TUSC3: variants seen among roughly 807,000 people sequenced by gnomAD.
The protein encoded by TUSC3 is tumor suppressor candidate 3, also known as dolichyl-diphosphooligosaccharide--protein glycosyltransferase subunit TUSC3.
In TUSC3, 45 loss-of-function variants were observed where a neutral mutation model predicts 44.8. The ratio of observed to expected loss-of-function variants is 1.00; its 90% confidence interval spans 0.79 to 1.29. The LOEUF is 1.29. TUSC3 is among the 50% of genes most tolerant of loss of function. The probability of loss-of-function intolerance (pLI) is 0.00; values close to 1 mark genes in which losing one functional copy is unlikely to be tolerated. For synonymous variants in TUSC3, 212 were observed against 152.9 expected (o/e 1.39, Z -2.85); for missense variants, 519 against 437.9 (o/e 1.19, Z -1.65).
At chr8:15,846,019 A>G in the TUSC3 span, among the ~76,000 whole-genome samples, 1 of 152,142 alleles carries the variant, frequency 6.6e-6, no homozygotes, top group African/African-American at 2.4e-5. Context: ...AAAAGCGGAA[A>G]TCTCAGATAA....
chr8:15,800,348 AG>A, the TUSC3 span, among the ~76,000 whole-genome samples: 1 of 152,122 alleles, frequency 6.6e-6, no homozygotes, highest in Non-Finnish European at 1.5e-5. Context: ...TAAGGTGGGC[AG>A]ATTGCTTGAG....
chr8:15,596,186 A>G (rs1037612119), intron 1 of TUSC3, among the ~76,000 whole-genome samples: 3 of 152,228 alleles, frequency 2.0e-5, no homozygotes, highest in African/African-American at 4.8e-5. Flanking sequence ...ATATCCATCT[A>G]TAATAATGAT....
intron 6 of TUSC3, among the ~76,000 whole-genome samples, chr8:15,709,090 C>T (rs1369443849): frequency 1.3e-5 from 2 of 151,740 alleles, no homozygotes; most frequent in Non-Finnish European, 2.9e-5. Context: ...TGTTTTTGTA[C>T]AGGAAAGATA....
intron 1 of TUSC3, among the ~76,000 whole-genome samples, chr8:15,452,027 A>G (rs1237918740): frequency 6.6e-6 from 1 of 152,208 alleles, no homozygotes; most frequent in Non-Finnish European, 1.5e-5. Flanking sequence ...TAATTAAAGT[A>G]AAACATGAAA....
intron 2 of TUSC3, among the ~76,000 whole-genome samples, chr8:15,511,249 GAGGAAGGGAAGAAAGGAAGGAGGA>G (rs1392194018): frequency 6.6e-6 from 1 of 152,022 alleles, no homozygotes; most frequent in African/African-American, 2.4e-5. Flanking sequence ...TAGAAGGAGG[GAGGAAGGGAAGAAAGGAAGGAGGA>G]AGGAAGGGAG....
chr8:15,598,330 C>T, intron 1 of TUSC3, among the ~76,000 whole-genome samples: 1 of 152,030 alleles, frequency 6.6e-6, no homozygotes, highest in South Asian at 2.1e-4. Context: ...GATTTAGATT[C>T]ACAGCAAAGT....
At chr8:15,534,529 G>C (rs958791677) in intron 2 of TUSC3, among the ~76,000 whole-genome samples, 1 of 151,776 alleles carries the variant, frequency 6.6e-6, no homozygotes, top group Non-Finnish European at 1.5e-5. Context: ...TGTAGTCCCA[G>C]CTACTCGGGA....
At chr8:15,579,026 CT>C (rs1470658874) in intron 1 of TUSC3, among the ~76,000 whole-genome samples, 1 of 151,788 alleles carries the variant, frequency 6.6e-6, no homozygotes, top group Admixed American at 6.6e-5. Context: ...GATTCAACTT[CT>C]TCCTGGTTTA....
chr8:15,679,150 G>C (rs1199618039), intron 6 of TUSC3, among the ~76,000 whole-genome samples: 1 of 152,132 alleles, frequency 6.6e-6, no homozygotes, highest in African/African-American at 2.4e-5. Context: ...TAGAATGGCA[G>C]TTCTAATTTT....
At chr8:15,505,156 C>T (rs1563268809) in intron 2 of TUSC3, among the ~76,000 whole-genome samples, 1 of 152,186 alleles carries the variant, frequency 6.6e-6, no homozygotes. Flanking sequence ...CATATGAGAA[C>T]TGGCTTTACT....
intron 1 of TUSC3, among the ~76,000 whole-genome samples, chr8:15,616,741 A>G (rs912772340): frequency 6.6e-6 from 1 of 152,186 alleles, no homozygotes. Flanking sequence ...AGACTCCCTG[A>G]GCAAGAGCCC....
intron 2 of TUSC3, among the ~76,000 whole-genome samples, chr8:15,520,616 C>T (rs998101182): frequency 2.5e-4 from 38 of 152,108 alleles, no homozygotes; most frequent in African/African-American, 8.7e-4. Flanking sequence ...ATTGCATGTA[C>T]CTGGAAATAC....
At chr8:15,461,047 T>C (rs1301432608) in intron 1 of TUSC3, among the ~76,000 whole-genome samples, 2 of 152,184 alleles carry the variant, frequency 1.3e-5, no homozygotes, top group East Asian at 3.9e-4. Context: ...TAGAATTGTG[T>C]TTTCTAATTC....
the TUSC3 span, among the ~76,000 whole-genome samples, chr8:15,839,502 C>T: frequency 1.3e-5 from 2 of 148,382 alleles, no homozygotes; most frequent in Non-Finnish European, 3.0e-5. Flanking sequence ...TATCCAGAAT[C>T]TACAAAGAAC....
intron 2 of TUSC3, among the ~76,000 whole-genome samples, chr8:15,498,382 G>GGA (rs1276871064): frequency 6.6e-6 from 1 of 152,096 alleles, no homozygotes; most frequent in African/African-American, 2.4e-5. Flanking sequence ...AGAAGGTGTT[G>GGA]GAGATGTGAA....
intron 1 of TUSC3, among the ~76,000 whole-genome samples, chr8:15,446,780 C>T (rs1800109832): frequency 6.8e-6 from 1 of 147,480 alleles, no homozygotes; most frequent in Non-Finnish European, 1.5e-5. Context: ...TTTTTTTTAA[C>T]TCTTTAAGAA....
chr8:15,756,777 G>A lies in TUSC3; in HGVS notation c.1029-1014G>A, dbSNP rs183257933. Among the ~76,000 whole-genome samples the A allele has an allele frequency of 1.3e-5, 2 of 152,302 alleles. 1 individual carries two copies. The highest frequency in any genetic ancestry group is 1.3e-4 in the Admixed American group (2 of 15,298). ...TCCATACCAAATGACACCCCCTGGAGTTGTCAGGTTGTTCTTCATAGTTGA... is the reference window on the plus strand; with the variant it reads ...TCCATACCAAATGACACCCCCTGGAATTGTCAGGTTGTTCTTCATAGTTGA... On this transcript the variant is annotated intron_variant, in intron 9 of 10. Coordinates refer to ENST00000503731, the MANE Select transcript of TUSC3 (RefSeq NM_006765.4).
In TUSC3 at chr8:15,523,639, CATATATAT is replaced by C. The variant is rs151223991; in HGVS notation, n.189+40175_189+40182del. 6.5e-3 allele frequency among the ~76,000 whole-genome samples: 414 copies of C among 63,536 alleles called. 5 individuals are homozygous for C. Among genetic ancestry groups the C allele is most frequent in the East Asian group, 0.02 (43 of 2,184 alleles). 41.7% of individuals were successfully genotyped at this position (63,536 alleles called of 152,430 possible). A position where few individuals can be genotyped will look rare whatever the true frequency, so the allele number is the denominator to read the frequency against. On this transcript the variant is annotated intron_variant and non_coding_transcript_variant, in intron 2 of 5. Transcript: ENST00000503191. ...AATTGGCTTAAAAATCCTTTAAAAACATATATATATATATATATATATATATGTGTGTG... is the reference window on the plus strand; with the variant it reads ...AATTGGCTTAAAAATCCTTTAAAAACATATATATATATATATATGTGTGTG...
At chr8:15,801,571 G>A in the TUSC3 span, among the ~76,000 whole-genome samples, 8 of 152,140 alleles carry the variant, frequency 5.3e-5, no homozygotes, top group African/African-American at 1.9e-4. Context: ...TTTCGTAAAT[G>A]TGATGGCTCA....
Sources: allele counts gnomAD v4.1 joint callset (sites outside exome capture counted in the v4.1 genomes callset), GRCh38; gene constraint gnomAD v4.1.1; transcripts MANE v1.5; gene names NCBI Gene and HGNC (gene_info 2026-07-23, HGNC 2026-07-21).